CIMIP2A: variants seen among roughly 807,000 people sequenced by gnomAD.
CIMIP2A encodes the protein ciliary microtubule inner protein 2A.
chr9:137,250,024 T>C, the CIMIP2A span, among the ~76,000 whole-genome samples: 1 of 152,096 alleles, frequency 6.6e-6, no homozygotes, highest in African/African-American at 2.4e-5. Flanking sequence ...GCTCTCACCC[T>C]GTGGGATCTG....
chr9:137,254,929 C>T, the CIMIP2A span, among the ~76,000 whole-genome samples: 1 of 152,208 alleles, frequency 6.6e-6, no homozygotes, highest in Non-Finnish European at 1.5e-5. Flanking sequence ...CGCGGAGGAA[C>T]CCACGCTCAG....
At chr9:137,247,694 C>A in the CIMIP2A span, 1 of 1,613,490 alleles carries the variant, frequency 6.2e-7, no homozygotes, top group Non-Finnish European at 8.5e-7. Context: ...GTGAAGAGAT[C>A]GTGTTTCTGA....
At chr9:137,251,143 G>T in the CIMIP2A span, 1 of 688,560 alleles carries the variant, frequency 1.5e-6, no homozygotes. Flanking sequence ...TAGTGGGGGA[G>T]GGGCCCACCA....
At chr9:137,248,149 C>G in the CIMIP2A span, among the ~76,000 whole-genome samples, 1 of 152,230 alleles carries the variant, frequency 6.6e-6, no homozygotes. Context: ...GCTGTGCGAA[C>G]TCTCCCTCCA....
the CIMIP2A span, among the ~76,000 whole-genome samples, chr9:137,254,794 C>G: frequency 2.0e-5 from 3 of 152,056 alleles, no homozygotes; most frequent in Admixed American, 6.5e-5. Context: ...CCTCCCGGTG[C>G]CTGGGAGGGC....
the CIMIP2A span, chr9:137,245,335 G>A: frequency 6.3e-7 from 1 of 1,599,746 alleles, no homozygotes; most frequent in South Asian, 1.1e-5. Context: ...CTCGCAAACA[G>A]GAGTGGCGCT....
At chr9:137,245,044 T>A in the CIMIP2A span, 46 of 1,609,148 alleles carry the variant, frequency 2.9e-5, no homozygotes, top group Non-Finnish European at 3.6e-5. Flanking sequence ...AAGAACCTTG[T>A]GGGGAGGGGC....
chr9:137,243,874 GGC>G, the CIMIP2A span: 1 of 1,415,286 alleles, frequency 7.1e-7, no homozygotes. Flanking sequence ...AGAAGTGTGG[GGC>G]TGCCCTGGGC....
chr9:137,253,376 C>T, the CIMIP2A span: 1 of 1,520,012 alleles, frequency 6.6e-7, no homozygotes, highest in South Asian at 1.2e-5. Flanking sequence ...CCCCGATGCA[C>T]CCTTCTGGCT....
At chr9:137,244,641 C>T in the CIMIP2A span, 1 of 1,613,678 alleles carries the variant, frequency 6.2e-7, no homozygotes. Flanking sequence ...CGCTTTCCTA[C>T]CTGGCTCTTG....
chr9:137,245,280 C>T, the CIMIP2A span: 4 of 1,578,160 alleles, frequency 2.5e-6, no homozygotes, highest in Non-Finnish European at 3.4e-6. Flanking sequence ...GCGGAATGGG[C>T]TTGGCACTGG....
chr9:137,254,656 A>C, the CIMIP2A span, among the ~76,000 whole-genome samples: 4 of 152,320 alleles, frequency 2.6e-5, no homozygotes, highest in East Asian at 7.7e-4. Context: ...GGCGCGGCAC[A>C]GCCTGCGGGA....
chr9:137,249,534 C>T, the CIMIP2A span, among the ~76,000 whole-genome samples: 2 of 152,198 alleles, frequency 1.3e-5, no homozygotes, highest in Admixed American at 1.3e-4. Flanking sequence ...ACTTTTACCT[C>T]CTGCCCTCCT....
the CIMIP2A span, among the ~76,000 whole-genome samples, chr9:137,248,185 T>C: frequency 1.1e-4 from 16 of 152,348 alleles, no homozygotes; most frequent in African/African-American, 3.4e-4. Flanking sequence ...CAGGGTGTTA[T>C]GTTTACATTT....
chr9:137,248,542 C>CAAAAAAA, the CIMIP2A span, among the ~76,000 whole-genome samples: 1 of 109,496 alleles, frequency 9.1e-6, no homozygotes, highest in Non-Finnish European at 1.8e-5. Context: ...GACTCTGTCT[C>CAAAAAAA]AAAAAAAAAA....
the CIMIP2A span, chr9:137,244,648 CTTGTCGAATTCGTCCATGGCTT>C: frequency 1.2e-6 from 2 of 1,613,844 alleles, no homozygotes; most frequent in Non-Finnish European, 1.7e-6. Flanking sequence ...CTACCTGGCT[CTTGTCGAATTCGTCCATGGCTT>C]GCATGACGCC....
At chr9:137,252,141 T>C in the CIMIP2A span, 1 of 1,603,520 alleles carries the variant, frequency 6.2e-7, no homozygotes, top group South Asian at 1.1e-5. Context: ...CCGAGGTGTG[T>C]GTCCCCTCCC....
the CIMIP2A span, chr9:137,253,207 C>T: frequency 1.9e-6 from 3 of 1,609,106 alleles, no homozygotes; most frequent in South Asian, 1.1e-5. Context: ...TGTACGCAGA[C>T]CCAAGCGCCA....
chr9:137,245,424 C>T, the CIMIP2A span: 92 of 1,613,682 alleles, frequency 5.7e-5, no homozygotes, highest in South Asian at 4.9e-4. Flanking sequence ...ACGGAGGGTG[C>T]GGGGTGTCGG....
Sources: allele counts gnomAD v4.1 joint callset (sites outside exome capture counted in the v4.1 genomes callset), GRCh38; gene constraint gnomAD v4.1.1; transcripts MANE v1.5; gene names NCBI Gene and HGNC (gene_info 2026-07-23, HGNC 2026-07-21).